The following IER5L variants were observed in gnomAD, a reference collection of about 807,000 sequenced individuals.
IER5L encodes the protein immediate early response 5 like, also known as immediate early response gene 5-like protein.
IER5L carries 6 observed loss-of-function variants against 28.3 expected under a neutral mutation model. The observed-to-expected ratio is 0.21, with a 90% CI of 0.12 to 0.42. The LOEUF is 0.42. IER5L is among the 10% of genes least tolerant of loss of function. IER5L has a pLI of 1.00. For synonymous variants in IER5L, 351 were observed against 282.5 expected (o/e 1.24, Z -2.43); for missense variants, 607 against 575.2 (o/e 1.06, Z -0.56).
rs1588560049 is a variant in IER5L, at chr9:129,177,377, A to C, written c.676T>G (p.Ser226Ala). ...PPAAAASPPA[S>A]PAPASSPGFY... ...CCGGGGGAGGAGGCGGGGGCCGGGG[A>C]GGCGGGCGGAGAAGCGGCGGCGGCC... is the stretch of plus-strand genomic sequence containing the variant. The change falls in exon 1 of 1, where the codon TCC becomes GCC. Residue 226 changes from serine (S) to alanine (A), a missense_variant. Coordinates refer to ENST00000372491, the MANE Select transcript of IER5L (RefSeq NM_203434.3). The C allele has an allele frequency of 1.9e-6, 2 of 1,060,114 alleles. No individual in the cohort carries two copies. The highest frequency in any genetic ancestry group is 2.3e-6 in the Non-Finnish European group (2 of 854,750). 65.7% of individuals were successfully genotyped at this position (1,060,114 alleles called of 1,614,324 possible).
At position 129,176,883 on chromosome 9, in the gene IER5L, C is replaced by T. The variant is rs772060335; in HGVS notation, c.1170G>A (p.Ala390=). The change falls in exon 1 of 1, where the codon GCG becomes GCA. Residue 390 remains alanine, a synonymous_variant. Coordinates refer to ENST00000372491, the MANE Select transcript of IER5L (RefSeq NM_203434.3). Reference sequence around the variant, plus strand: ...GAGTCCAGGCGCCGAGGCTGGCGAGCGCCTGCTTGGCGCACAGCTGCCCGT... The same window carrying T: ...GAGTCCAGGCGCCGAGGCTGGCGAGTGCCTGCTTGGCGCACAGCTGCCCGT... ...PLNGQLCAKQ[A]LASLGAWTRA... The T allele has an allele frequency of 1.3e-6, 2 of 1,599,266 alleles. No homozygotes were observed. Among genetic ancestry groups the T allele is most frequent in the African/African-American group, 1.4e-5 (1 of 73,424 alleles).
Position 129,176,791 on chromosome 9 carries a change from TG to T in IER5L, c.*46del. On this transcript the variant is annotated 3_prime_UTR_variant, in exon 1 of 1. Coordinates refer to ENST00000372491, the MANE Select transcript of IER5L (RefSeq NM_203434.3). ...CTCGCCCCTTTGCCGAGTCTTTGTCTGGCCCCAGCCCCGCGGGGCCCCGGGT... is the reference window on the plus strand; with the variant it reads ...CTCGCCCCTTTGCCGAGTCTTTGTCTGCCCCAGCCCCGCGGGGCCCCGGGT... The T allele has an allele frequency of 6.9e-7, 1 of 1,452,778 alleles. No homozygotes were observed. Among genetic ancestry groups the T allele is most frequent in the Non-Finnish European group, 9.0e-7 (1 of 1,106,368 alleles). 90.0% of individuals were successfully genotyped at this position (1,452,778 alleles called of 1,614,324 possible). A position where few individuals can be genotyped will look rare whatever the true frequency, so the allele number is the denominator to read the frequency against.
rs140705483 is a variant in IER5L at position 129,176,517 on chromosome 9, G to C, written c.*321C>G. The C allele has an allele frequency of 0.014, 2,354 of 162,816 alleles. 32 individuals carry two copies. The highest frequency in any genetic ancestry group is 0.03 in the South Asian group (153 of 5,114). The allele number at this position is 162,816 out of a possible 1,614,324, so 10.1% of individuals were successfully genotyped here. On this transcript the variant is annotated 3_prime_UTR_variant, in exon 1 of 1. Transcript: ENST00000372491. ...CCCCCGGCTGCCCGGCACCTCCTCCGGGCAGCAGCCCTCCCTCACGTGGTA... is the reference window on the plus strand; with the variant it reads ...CCCCCGGCTGCCCGGCACCTCCTCCCGGCAGCAGCCCTCCCTCACGTGGTA...
At position 129,178,230 on chromosome 9, in the gene IER5L, C is replaced by T. The variant is rs1829446065; in HGVS notation, c.-178G>A. 1 of 482,374 alleles carries T rather than the reference C, an allele frequency of 2.1e-6. No individual in the cohort carries two copies. 29.9% of individuals were successfully genotyped at this position (482,374 alleles called of 1,614,324 possible). A position where few individuals can be genotyped will look rare whatever the true frequency, so the allele number is the denominator to read the frequency against. ...ATGCGCCGCGCGCCACCCGCGGGCTCGCGCTCCCCAGACGGCGCCAAAGCA... is the reference window on the plus strand; with the variant it reads ...ATGCGCCGCGCGCCACCCGCGGGCTTGCGCTCCCCAGACGGCGCCAAAGCA... On this transcript the variant is annotated 5_prime_UTR_variant, in exon 1 of 1. Coordinates refer to ENST00000372491, the MANE Select transcript of IER5L (RefSeq NM_203434.3).
Position 129,177,212 on chromosome 9 carries a change from G to A in IER5L, c.841C>T (p.His281Tyr). The A allele has an allele frequency of 6.8e-7, 1 of 1,473,346 alleles. No homozygotes were observed. The highest frequency in any genetic ancestry group is 8.9e-7 in the Non-Finnish European group (1 of 1,120,610). 91.3% of individuals were successfully genotyped at this position (1,473,346 alleles called of 1,614,324 possible). Residue 281 changes from histidine to tyrosine, a missense_variant, in exon 1 of 1, where the codon CAC (histidine) becomes TAC (tyrosine). Transcript: ENST00000372491. ...GCGCCCTGGCCACAGCAGGGGCAGT[G>A]GGCGGAGGCGCAGCAGTCCTGGTGC... ...YLHQDCCASA[H>Y]CPCCGQGAPG...
At position 129,177,703 on chromosome 9, in the gene IER5L, A is replaced by G; in HGVS notation, c.350T>C (p.Leu117Pro). ...CTGCTGCTGGAGGTGCAGCTGGTGGAGCTGGTGGAGCTGGTGCAGCTGGTG... is the reference window on the plus strand; with the variant it reads ...CTGCTGCTGGAGGTGCAGCTGGTGGGGCTGGTGGAGCTGGTGCAGCTGGTG... ...ARHQLHQLHQLHQLHLQQQLH... is the reference protein window; with the variant it reads ...ARHQLHQLHQPHQLHLQQQLH... The change falls in exon 1 of 1, where the codon CTC (leucine) becomes CCC (proline). Residue 117 changes from leucine (L) to proline (P), a missense_variant. Coordinates refer to ENST00000372491, the MANE Select transcript of IER5L (RefSeq NM_203434.3). 3 of 1,425,068 alleles carry G rather than the reference A, an allele frequency of 2.1e-6. 1 individual carries two copies. Among genetic ancestry groups the G allele is most frequent in the Non-Finnish European group, 1.8e-6 (2 of 1,094,054 alleles). The allele number at this position is 1,425,068 out of a possible 1,614,324, so 88.3% of individuals were successfully genotyped here. A position where few individuals can be genotyped will look rare whatever the true frequency, so the allele number is the denominator to read the frequency against.
Position 129,177,021 on chromosome 9 carries a change from C to A in IER5L, c.1032G>T (p.Pro344=), listed in dbSNP as rs750815944. The A allele has an allele frequency of 6.3e-7, 1 of 1,583,098 alleles. No individual in the cohort carries two copies. Among genetic ancestry groups the A allele is most frequent in the South Asian group, 1.1e-5 (1 of 87,872 alleles). Residue 344 remains proline, a synonymous_variant, in exon 1 of 1, where the codon CCG becomes CCT. Coordinates refer to ENST00000372491, the MANE Select transcript of IER5L (RefSeq NM_203434.3). ...CKRARFEDFC[P]DSSPDASNIS... ...TGTTGGACGCGTCCGGGGACGAGTC[C>A]GGGCAGAAGTCCTCGAAGCGGGCGC...
rs1564217697 is a variant in IER5L at position 129,176,411 on chromosome 9, G to A, written c.*427C>T. The A allele has an allele frequency of 6.6e-6, 1 of 152,414 alleles. No individual in the cohort carries two copies. Among genetic ancestry groups the A allele is most frequent in the Non-Finnish European group, 1.5e-5 (1 of 68,272 alleles). 9.4% of individuals were successfully genotyped at this position (152,414 alleles called of 1,614,324 possible). On this transcript the variant is annotated 3_prime_UTR_variant, in exon 1 of 1. Transcript: ENST00000372491. The stretch of plus-strand genomic sequence containing the variant: ...GTCGGGCTTCCCGGGTCTGACAACT[G>A]ATTGGAATCGGCTTCCCAGGTCCGG...
Position 129,178,081 on chromosome 9 carries a change from C to A in IER5L, c.-29G>T. 1 of 1,378,902 alleles carries A rather than the reference C, an allele frequency of 7.3e-7. No individual in the cohort carries two copies. The allele number at this position is 1,378,902 out of a possible 1,614,324, so 85.4% of individuals were successfully genotyped here. A position where few individuals can be genotyped will look rare whatever the true frequency, so the allele number is the denominator to read the frequency against. On this transcript the variant is annotated 5_prime_UTR_variant, in exon 1 of 1. Transcript: ENST00000372491. ...CCCGCGGAGACGGCGGCGGAGCAGC[C>A]GCCGCCGCTGCTGCTGTTAACGCTT...
chr9:129,178,102 C>G lies in IER5L; in HGVS notation c.-50G>C, dbSNP rs186993880. On this transcript the variant is annotated 5_prime_UTR_variant, in exon 1 of 1. Transcript: ENST00000372491. Reference sequence around the variant, plus strand: ...CAGCCGCCGCCGCTGCTGCTGTTAACGCTTCTGCTGTTTCTGCCTCCAGCC... The same window carrying G: ...CAGCCGCCGCCGCTGCTGCTGTTAAGGCTTCTGCTGTTTCTGCCTCCAGCC... 3.7e-6 allele frequency: 5 copies of G among 1,359,678 alleles called. No homozygotes were observed. Among genetic ancestry groups the G allele is most frequent in the Non-Finnish European group, 4.8e-6 (5 of 1,052,196 alleles). The allele number at this position is 1,359,678 out of a possible 1,614,324, so 84.2% of individuals were successfully genotyped here.
At position 129,175,791 on chromosome 9, in the gene IER5L, T is replaced by C. The variant is rs1175576019; in HGVS notation, c.*1047A>G. ...TTTAAATTAAACAAATCTATCGAGC[T>C]GAAGACACAGGACGGGGTTCTCACA... On this transcript the variant is annotated 3_prime_UTR_variant, in exon 1 of 1. Coordinates refer to ENST00000372491, the MANE Select transcript of IER5L (RefSeq NM_203434.3). The surrounding 1 kb of genome is among the most constrained non-coding windows in gnomAD (Gnocchi z 5.2). 1.3e-5 allele frequency: 2 copies of C among 152,096 alleles called. No homozygotes were observed. The highest frequency in any genetic ancestry group is 2.9e-5 in the Non-Finnish European group (2 of 68,042). 9.4% of individuals were successfully genotyped at this position (152,096 alleles called of 1,614,324 possible).
chr9:129,176,859 A>G lies in IER5L; in HGVS notation c.1194T>C (p.Thr398=), dbSNP rs1378843152. Reference sequence around the variant, plus strand: ...GTCCCTAGAAGGCGACAATGGCTCGAGTCCAGGCGCCGAGGCTGGCGAGCG... The same window carrying G: ...GTCCCTAGAAGGCGACAATGGCTCGGGTCCAGGCGCCGAGGCTGGCGAGCG... The part of the protein sequence containing the change: ...KQALASLGAW[T]RAIVAF The change falls in exon 1 of 1, where the codon ACT becomes ACC. Residue 398 remains threonine, a synonymous_variant. Transcript: ENST00000372491. 1 of 1,597,368 alleles carries G rather than the reference A, an allele frequency of 6.3e-7. No individual in the cohort carries two copies. The highest frequency in any genetic ancestry group is 8.5e-7 in the Non-Finnish European group (1 of 1,173,920).
In IER5L at chr9:129,176,955, C is replaced by G; in HGVS notation, c.1098G>C (p.Gly366=). 1 of 1,604,058 alleles carries G rather than the reference C, an allele frequency of 6.2e-7. No individual in the cohort carries two copies. ...AGGAGTCCGGCTGTCGGCTCACCAG[C>G]CCCGAGAAGCCGGAGCCAAAGATGG... ...LISIFGSGFS[G]LVSRQPDSSE... Residue 366 remains glycine, a synonymous_variant, in exon 1 of 1, where the codon GGG becomes GGC. Coordinates refer to ENST00000372491, the MANE Select transcript of IER5L (RefSeq NM_203434.3).
In IER5L at chr9:129,178,225, G is replaced by T. The variant is rs959502133; in HGVS notation, c.-173C>A. On this transcript the variant is annotated 5_prime_UTR_variant, in exon 1 of 1. Coordinates refer to ENST00000372491, the MANE Select transcript of IER5L (RefSeq NM_203434.3). ...CCACCATGCGCCGCGCGCCACCCGC[G>T]GGCTCGCGCTCCCCAGACGGCGCCA... The T allele has an allele frequency of 1.4e-5, 7 of 493,822 alleles. No individual in the cohort carries two copies. Among genetic ancestry groups the T allele is most frequent in the Admixed American group, 8.8e-5 (2 of 22,758 alleles). The allele number at this position is 493,822 out of a possible 1,614,324, so 30.6% of individuals were successfully genotyped here.
chr9:129,177,678 C>T lies in IER5L; in HGVS notation c.375G>A (p.Gln125=). The change falls in exon 1 of 1, where the codon CAG becomes CAA. Residue 125 remains glutamine, a synonymous_variant. Coordinates refer to ENST00000372491, the MANE Select transcript of IER5L (RefSeq NM_203434.3). The part of the protein sequence containing the change: ...HQLHQLHLQQ[Q]LHQHQHPAPR... ...GCGCCGGGTGCTGGTGCTGGTGCAG[C>T]TGCTGCTGGAGGTGCAGCTGGTGGA... is the stretch of plus-strand genomic sequence containing the variant. 7.1e-7 allele frequency: 1 copy of T among 1,403,370 alleles called. No homozygotes were observed. The highest frequency in any genetic ancestry group is 9.3e-7 in the Non-Finnish European group (1 of 1,080,586). The allele number at this position is 1,403,370 out of a possible 1,614,324, so 86.9% of individuals were successfully genotyped here. A position where few individuals can be genotyped will look rare whatever the true frequency, so the allele number is the denominator to read the frequency against.
Position 129,177,448 on chromosome 9 carries a change from G to T in IER5L, c.605C>A (p.Pro202His). 8.7e-7 allele frequency: 1 copy of T among 1,143,080 alleles called. No homozygotes were observed. The highest frequency in any genetic ancestry group is 4.2e-5 in the East Asian group (1 of 24,084). 70.8% of individuals were successfully genotyped at this position (1,143,080 alleles called of 1,614,324 possible). ...CGCGGAGCAGGCGGCCGGGGCGCGA[G>T]GGTCCCGCGGGCAGAGCGCAGCGGG... ...PAPAALCPRD[P>H]RAPAACSAPP... Residue 202 changes from proline (P) to histidine (H), a missense_variant, in exon 1 of 1, where the codon CCT becomes CAT. Pro to His is a moderately conservative substitution (Grantham distance 77). Coordinates refer to ENST00000372491, the MANE Select transcript of IER5L (RefSeq NM_203434.3).
Position 129,178,081 on chromosome 9 carries a change from C to T in IER5L, c.-29G>A, listed in dbSNP as rs764661286. 6.5e-6 allele frequency: 9 copies of T among 1,378,902 alleles called. No individual in the cohort carries two copies. Among genetic ancestry groups the T allele is most frequent in the Non-Finnish European group, 8.5e-6 (9 of 1,064,314 alleles). 85.4% of individuals were successfully genotyped at this position (1,378,902 alleles called of 1,614,324 possible). On this transcript the variant is annotated 5_prime_UTR_variant, in exon 1 of 1. Transcript: ENST00000372491. ...CCCGCGGAGACGGCGGCGGAGCAGC[C>T]GCCGCCGCTGCTGCTGTTAACGCTT...
At position 129,175,835 on chromosome 9, in the gene IER5L, T is replaced by A. The variant is rs1829385153; in HGVS notation, c.*1003A>T. 6.6e-6 allele frequency: 1 copy of A among 152,058 alleles called. No individual in the cohort carries two copies. Among genetic ancestry groups the A allele is most frequent in the Non-Finnish European group, 1.5e-5 (1 of 68,018 alleles). 9.4% of individuals were successfully genotyped at this position (152,058 alleles called of 1,614,324 possible). A position where few individuals can be genotyped will look rare whatever the true frequency, so the allele number is the denominator to read the frequency against. On this transcript the variant is annotated 3_prime_UTR_variant, in exon 1 of 1. Transcript: ENST00000372491. The surrounding 1 kb of genome is among the most constrained non-coding windows in gnomAD (Gnocchi z 5.2). ...TCTCACAGGCTCGAACAATGCTGGTTTCATGAAATGCAACCGAAGGCTGAA... is the reference window on the plus strand; with the variant it reads ...TCTCACAGGCTCGAACAATGCTGGTATCATGAAATGCAACCGAAGGCTGAA...
chr9:129,178,194 G>A lies in IER5L; in HGVS notation c.-142C>T. On this transcript the variant is annotated 5_prime_UTR_variant, in exon 1 of 1. Coordinates refer to ENST00000372491, the MANE Select transcript of IER5L (RefSeq NM_203434.3). ...CAGAGGTTCGGCTGCGCTCCGAAAG[G>A]AGCCGCCACCATGCGCCGCGCGCCA... 1.5e-6 allele frequency: 1 copy of A among 668,522 alleles called. No individual in the cohort carries two copies. Among genetic ancestry groups the A allele is most frequent in the Non-Finnish European group, 2.2e-6 (1 of 461,710 alleles). The allele number at this position is 668,522 out of a possible 1,614,324, so 41.4% of individuals were successfully genotyped here.
Sources: gnomAD v4.1 joint callset for allele counts on GRCh38, gnomAD v4.1.1 for gene constraint, Gnocchi (gnomAD v3.1) non-coding constraint, MANE v1.5 for transcripts, NCBI Gene and HGNC (gene_info 2026-07-23, HGNC 2026-07-21) for gene names.